Variants in CLECL1 observed in about 807,000 individuals in gnomAD.
CLECL1 encodes C-type lectin like 1, also known as C-type lectin-like domain family 1.
downstream of CLECL1, among the ~76,000 whole-genome samples, chr12:9,719,298 G>A (rs1419782574): frequency 2.6e-5 from 4 of 152,072 alleles, no homozygotes; most frequent in African/African-American, 9.7e-5. Flanking sequence ...AGGCTGAGGC[G>A]GGCAGATCAC....
At chr12:9,720,641 G>A (rs948490209), downstream of CLECL1, among the ~76,000 whole-genome samples, 8 of 151,942 alleles carry the variant, frequency 5.3e-5, no homozygotes, top group Admixed American at 3.3e-4. Context: ...GCGCCCAGCC[G>A]CCACCTCTGT....
At chr12:9,703,863 T>C in the CLECL1 span, among the ~76,000 whole-genome samples, 1 of 152,206 alleles carries the variant, frequency 6.6e-6, no homozygotes, top group Middle Eastern at 3.2e-3. Flanking sequence ...TTTGTCAATT[T>C]TATTTGCTGA....
rs1222786012 is a variant in CLECL1, at chr12:9,717,338, A to T, written n.153-562T>A. On this transcript the variant is annotated intron_variant and non_coding_transcript_variant, in intron 2 of 2. Coordinates refer to the CLECL1 transcript ENST00000540988. ...AAACCCCGTAGTAGTCCAGGCAATT[A>T]TGTCAGAGAGACAACCTACTGCATA... is the stretch of plus-strand genomic sequence containing the variant. Among the ~76,000 whole-genome samples, 6 of 152,190 alleles carry T rather than the reference A, an allele frequency of 3.9e-5. 1 individual carries two copies. Among genetic ancestry groups the T allele is most frequent in the Admixed American group, 1.3e-4 (2 of 15,280 alleles).
At chr12:9,722,760 C>CCTT in exon 4 of CLECL1, 1 of 1,613,888 alleles carries the variant, frequency 6.2e-7, no homozygotes, top group Non-Finnish European at 8.5e-7. Flanking sequence ...CCCTTATGCA[C>CCTT]CTTCCAGTCT....
chr12:9,718,638 T>G (rs1866267925), downstream of CLECL1: 2 of 664,280 alleles, frequency 3.0e-6, no homozygotes, highest in Non-Finnish European at 5.4e-6. Flanking sequence ...GTAATTAACT[T>G]ACAGTGAGGC....
At chr12:9,705,564 T>C in the CLECL1 span, among the ~76,000 whole-genome samples, 1 of 152,210 alleles carries the variant, frequency 6.6e-6, no homozygotes, top group Non-Finnish European at 1.5e-5. Context: ...TAATCCATCT[T>C]GAGTTGATTT....
At chr12:9,729,560 A>G (rs956075892) in intron 2 of CLECL1, among the ~76,000 whole-genome samples, 2 of 139,514 alleles carry the variant, frequency 1.4e-5, no homozygotes, top group Non-Finnish European at 3.3e-5. Flanking sequence ...TAATACCCTG[A>G]GATGAATAAA....
downstream of CLECL1, among the ~76,000 whole-genome samples, chr12:9,717,752 C>G (rs1008380761): frequency 1.3e-5 from 2 of 152,146 alleles, no homozygotes; most frequent in African/African-American, 4.8e-5. Flanking sequence ...CTATATATCT[C>G]TCCTTTGACA....
At chr12:9,731,639 T>C (rs777879959) in intron 1 of CLECL1, among the ~76,000 whole-genome samples, 2 of 152,352 alleles carry the variant, frequency 1.3e-5, no homozygotes, top group Non-Finnish European at 2.9e-5. Context: ...AAGAACAATA[T>C]GATATTTGAC....
chr12:9,716,117 G>C (rs992159879), exon 3 of CLECL1: 1 of 152,390 alleles, frequency 6.6e-6, no homozygotes, highest in African/African-American at 2.4e-5. Flanking sequence ...TCTGCCATGA[G>C]TCCTTGCTCC....
At chr12:9,706,382 T>C in the CLECL1 span, among the ~76,000 whole-genome samples, 8 of 152,186 alleles carry the variant, frequency 5.3e-5, no homozygotes, top group African/African-American at 1.9e-4. Flanking sequence ...GGCCAAAACT[T>C]CTAATACTAT....
chr12:9,722,991 A>G (rs1866333236), intron 3 of CLECL1, among the ~76,000 whole-genome samples, 178 bp from the exon 2 acceptor site: 2 of 152,224 alleles, frequency 1.3e-5, no homozygotes, highest in South Asian at 4.1e-4. Context: ...TCATGTGTAT[A>G]TTCATTAATT....
chr12:9,721,129 C>A (rs1342058564), downstream of CLECL1, among the ~76,000 whole-genome samples: 4 of 152,140 alleles, frequency 2.6e-5, no homozygotes, highest in African/African-American at 9.7e-5. Flanking sequence ...CTTTCCCTGC[C>A]CCTCTGCCCT....
chr12:9,726,218 A>T (rs1266980352), intron 3 of CLECL1, among the ~76,000 whole-genome samples: 12 of 147,502 alleles, frequency 8.1e-5, no homozygotes, highest in Non-Finnish European at 1.6e-4. Flanking sequence ...TATGTATTAT[A>T]AAAAATAATG....
chr12:9,731,169 G>A (rs1866442641), intron 1 of CLECL1, among the ~76,000 whole-genome samples: 1 of 152,174 alleles, frequency 6.6e-6, no homozygotes, highest in Admixed American at 6.5e-5. Context: ...CACTCTCACT[G>A]ATGTCCTGCT....
chr12:9,734,045 G>A (rs1165617059), upstream of CLECL1, among the ~76,000 whole-genome samples: 1 of 152,214 alleles, frequency 6.6e-6, no homozygotes, highest in Non-Finnish European at 1.5e-5. Context: ...ACATAGAAAT[G>A]TCAGATATGA....
exon 4 of CLECL1, chr12:9,722,795 G>GT: frequency 6.2e-7 from 1 of 1,607,806 alleles, no homozygotes; most frequent in East Asian, 2.2e-5. Flanking sequence ...TTTATGGACA[G>GT]TAGAAAAGTT....
chr12:9,718,918 T>C, downstream of CLECL1: 1 of 576,668 alleles, frequency 1.7e-6, no homozygotes, highest in East Asian at 2.9e-5. Context: ...AGCCCTAGCA[T>C]ATTAATACAA....
exon 3 of CLECL1, chr12:9,716,463 CAG>C (rs1565479903): frequency 5.8e-6 from 1 of 171,920 alleles, no homozygotes; most frequent in East Asian, 1.8e-4. Flanking sequence ...CGGACTCAAA[CAG>C]GGCACTGCAA....
Sources: gnomAD v4.1 joint callset for allele counts (sites outside exome capture counted in the v4.1 genomes callset) on GRCh38, gnomAD v4.1.1 for gene constraint, MANE v1.5 for transcripts, NCBI Gene and HGNC (gene_info 2026-07-23, HGNC 2026-07-21) for gene names.